VEZT: variants seen among roughly 807,000 people sequenced by gnomAD.
VEZT encodes vezatin.
VEZT carries 39 observed loss-of-function variants against 79.9 expected under a neutral mutation model. The ratio of observed to expected loss-of-function variants is 0.49; its 90% CI spans 0.38 to 0.64. VEZT has a LOEUF of 0.64. VEZT is among the 30% of genes least tolerant of loss of function. The pLI is 0.00. For missense variants in VEZT, 837 were observed against 893.1 expected (o/e 0.94, Z 0.80); for synonymous variants, 325 against 327.6 (o/e 0.99, Z 0.09).
At chr12:95,233,784 T>C (rs932998640) in intron 1 of VEZT, among the ~76,000 whole-genome samples, 2 of 152,246 alleles carry the variant, frequency 1.3e-5, no homozygotes, top group African/African-American at 4.8e-5. Context: ...TATATGTGTG[T>C]GACATACATA....
intron 8 of VEZT, among the ~76,000 whole-genome samples, chr12:95,283,457 C>A (rs1339905544): frequency 1.3e-5 from 2 of 152,046 alleles, no homozygotes; most frequent in African/African-American, 4.8e-5. Context: ...ATTTAAAGAG[C>A]TGACAAGATT....
At chr12:95,290,247 T>G (rs2072376735) in intron 9 of VEZT, among the ~76,000 whole-genome samples, 1 of 152,212 alleles carries the variant, frequency 6.6e-6, no homozygotes, top group Admixed American at 6.5e-5. Context: ...AAATATGCTT[T>G]CTTCATCAAA....
intron 2 of VEZT, among the ~76,000 whole-genome samples, chr12:95,255,682 C>T (rs923265164): frequency 1.5e-4 from 23 of 152,164 alleles, no homozygotes; most frequent in African/African-American, 4.8e-4. Context: ...CCACCCACCT[C>T]GGCCTCCCAA....
At chr12:95,281,801 C>G (rs2069199616) in intron 7 of VEZT, among the ~76,000 whole-genome samples, 1 of 152,158 alleles carries the variant, frequency 6.6e-6, no homozygotes, top group Non-Finnish European at 1.5e-5. Context: ...CCGCCTTCAC[C>G]TCCCAAAGTG....
intron 9 of VEZT, among the ~76,000 whole-genome samples, chr12:95,291,243 G>C (rs1405155231): frequency 6.6e-6 from 1 of 152,124 alleles, no homozygotes; most frequent in Non-Finnish European, 1.5e-5. Context: ...AAATATATGT[G>C]TGTGCGCATG....
At chr12:95,279,318 G>C (rs943854504) in intron 7 of VEZT, among the ~76,000 whole-genome samples, 3 of 152,116 alleles carry the variant, frequency 2.0e-5, no homozygotes, top group African/African-American at 7.2e-5. Flanking sequence ...TTTTGGATTA[G>C]GGATACTCAA....
intron 7 of VEZT, among the ~76,000 whole-genome samples, chr12:95,279,863 G>A (rs1257847825): frequency 1.3e-5 from 2 of 152,186 alleles, no homozygotes; most frequent in East Asian, 1.9e-4. Flanking sequence ...GGGATTACAG[G>A]TGGGAGCCAC....
chr12:95,229,088 A>G (rs544570657), intron 1 of VEZT, among the ~76,000 whole-genome samples: 5 of 152,288 alleles, frequency 3.3e-5, no homozygotes, highest in South Asian at 4.1e-4. Context: ...AATTATAAAA[A>G]TTATTCTTGG....
At chr12:95,242,513 G>A (rs542981966) in intron 1 of VEZT, among the ~76,000 whole-genome samples, 6 of 152,108 alleles carry the variant, frequency 3.9e-5, no homozygotes, top group East Asian at 1.9e-4. Flanking sequence ...TAGGCCCTAC[G>A]GCCTCAAACT....
rs1002650658 is a variant in VEZT, at chr12:95,300,281, A to G, written c.1948A>G (p.Lys650Glu). 11 of 1,601,302 alleles carry G rather than the reference A, an allele frequency of 6.9e-6. No individual in the cohort carries two copies. In the African/African-American group the frequency reaches 9.4e-5, roughly 14 times the overall value. The part of the protein sequence containing the change: ...SKNDTEEESN[K>E]SATTDNEISR... ...AAATGATACTGAAGAGGAAAGTAAT[A>G]AATCCGCCACAACAGACAATGAAAT... Residue 650 changes from lysine to glutamate, a missense_variant, in exon 12 of 12, where the codon AAA becomes GAA. Physicochemically the swap from Lys to Glu is moderately conservative, Grantham distance 56. Coordinates refer to ENST00000436874, the MANE Select transcript of VEZT (RefSeq NM_017599.4).
chr12:95,271,811 C>T (rs569734306), intron 6 of VEZT, among the ~76,000 whole-genome samples: 1 of 152,256 alleles, frequency 6.6e-6, no homozygotes, highest in South Asian at 2.1e-4. Context: ...TTTCTAGAAA[C>T]TGGGGACCTG....
At chr12:95,267,785 G>A (rs2065812454) in intron 5 of VEZT, among the ~76,000 whole-genome samples, 2 of 152,282 alleles carry the variant, frequency 1.3e-5, no homozygotes, top group South Asian at 4.1e-4. Flanking sequence ...ACTTTGGGAG[G>A]TCGAGGCATG....
At chr12:95,272,800 A>G (rs990793664) in intron 6 of VEZT, among the ~76,000 whole-genome samples, 5 of 152,220 alleles carry the variant, frequency 3.3e-5, no homozygotes, top group African/African-American at 7.2e-5. Context: ...TCTGTCACCC[A>G]GACTGGAGTG....
chr12:95,268,098 G>C (rs139361500), intron 5 of VEZT, among the ~76,000 whole-genome samples: 22 of 152,142 alleles, frequency 1.4e-4, no homozygotes, highest in African/African-American at 4.8e-4. Context: ...GATTTTTGTC[G>C]TTGCATTAGT....
At chr12:95,279,477 A>G (rs530257128) in intron 7 of VEZT, among the ~76,000 whole-genome samples, 2 of 152,222 alleles carry the variant, frequency 1.3e-5, no homozygotes, top group East Asian at 1.9e-4. Flanking sequence ...CTGTTTACCT[A>G]TCAGCTATGG....
chr12:95,300,872 A>G lies in VEZT; in HGVS notation c.*199A>G. ...GGCAGATCTTTTAGGAAAATAAGAG[A>G]AAGGTAAGGGCTCTTTTGAATAAAC... On this transcript the variant is annotated 3_prime_UTR_variant, in exon 12 of 12. Transcript: ENST00000436874. The G allele has an allele frequency of 1.8e-6, 1 of 569,044 alleles. No individual in the cohort carries two copies. Among genetic ancestry groups the G allele is most frequent in the Non-Finnish European group, 2.6e-6 (1 of 378,818 alleles). The allele number at this position is 569,044 out of a possible 1,614,324, so 35.2% of individuals were successfully genotyped here. A position where few individuals can be genotyped will look rare whatever the true frequency, so the allele number is the denominator to read the frequency against.
intron 2 of VEZT, among the ~76,000 whole-genome samples, chr12:95,254,339 C>CTTTTTTT (rs34968028): frequency 2.0e-4 from 14 of 69,420 alleles, no homozygotes; most frequent in Middle Eastern, 0.016. Flanking sequence ...AAACGAAGTT[C>CTTTTTTT]TTTTTTTTTT....
intron 9 of VEZT, among the ~76,000 whole-genome samples, chr12:95,293,402 C>CT (rs76381367): frequency 2.0e-5 from 3 of 152,004 alleles, no homozygotes; most frequent in Non-Finnish European, 4.4e-5. Context: ...AACCATACTT[C>CT]TTTTTTTTAA....
intron 1 of VEZT, among the ~76,000 whole-genome samples, chr12:95,236,219 G>A (rs549005324): frequency 2.0e-5 from 3 of 152,306 alleles, no homozygotes; most frequent in East Asian, 1.9e-4. Flanking sequence ...TTAGGAGCTG[G>A]AGACCAGCCC....
Sources: allele counts gnomAD v4.1 joint callset (sites outside exome capture counted in the v4.1 genomes callset), GRCh38; gene constraint gnomAD v4.1.1; transcripts MANE v1.5; gene names NCBI Gene and HGNC (gene_info 2026-07-23, HGNC 2026-07-21).